The following WDR48 variants were observed in gnomAD, a reference collection of about 807,000 sequenced individuals.
The protein encoded by WDR48 is WD repeat domain 48.
In WDR48, 22 loss-of-function variants were observed where a neutral mutation model predicts 94.0. The ratio of observed to expected loss-of-function variants is 0.23; its 90% CI spans 0.17 to 0.33. The LOEUF is 0.33. Among genes scored for constraint, WDR48 ranks in the 10% least tolerant of loss-of-function variants. WDR48 has a pLI of 1.00. For synonymous variants in WDR48, 278 were observed against 280.5 expected (o/e 0.99, Z 0.09); for missense variants, 541 against 813.8 (o/e 0.66, Z 4.08).
chr3:39,066,963 A>G, intron 5 of WDR48, 88 bp downstream of exon 5: 1 of 1,467,794 alleles, frequency 6.8e-7, no homozygotes, highest in African/African-American at 1.4e-5. Flanking sequence ...ATAGGTTTGC[A>G]TCGAGAGAGT....
rs2125690082 is a variant in WDR48 at position 39,094,807 on chromosome 3, T to A, written c.*64T>A. 1 of 1,585,582 alleles carries A rather than the reference T, an allele frequency of 6.3e-7. No individual in the cohort carries two copies. Among genetic ancestry groups the A allele is most frequent in the South Asian group, 1.1e-5 (1 of 87,308 alleles). Reference sequence around the variant, plus strand: ...TCCTCTATGGCCCCAAGAGTAGTCCTAGGAAGCCCACTGATCCCCAACGGG... The same window carrying A: ...TCCTCTATGGCCCCAAGAGTAGTCCAAGGAAGCCCACTGATCCCCAACGGG... On this transcript the variant is annotated 3_prime_UTR_variant, in exon 19 of 19. Transcript: ENST00000302313.
At chr3:39,078,333 T>C (rs749786361) in intron 10 of WDR48, 94 bp downstream of exon 10, 37 of 857,940 alleles carry the variant, frequency 4.3e-5, no homozygotes, top group Non-Finnish European at 6.7e-5. Flanking sequence ...TCTTTAAATA[T>C]AATCCTGATG....
chr3:39,054,269 A>G (rs2032701930), intron 1 of WDR48, among the ~76,000 whole-genome samples: 1 of 152,232 alleles, frequency 6.6e-6, no homozygotes, highest in South Asian at 2.1e-4. Context: ...GAGTTTATCA[A>G]CCTGAACATT....
intron 1 of WDR48, among the ~76,000 whole-genome samples, chr3:39,062,560 C>G (rs527262582): frequency 1.3e-5 from 2 of 152,084 alleles, no homozygotes; most frequent in East Asian, 1.9e-4. Context: ...CCAGACAGGT[C>G]GGAGGAAGAG....
intron 3 of WDR48, 121 bp downstream of exon 3, chr3:39,066,010 AT>A: frequency 1.6e-6 from 1 of 640,018 alleles, no homozygotes; most frequent in Non-Finnish European, 2.4e-6. Context: ...GTTCAACACA[AT>A]TTTAGAAAGT....
At chr3:39,094,391 C>T in intron 18 of WDR48, 2 of 1,478,688 alleles carry the variant, frequency 1.4e-6, no homozygotes, top group Non-Finnish European at 1.8e-6. Flanking sequence ...TTTTTTAAAT[C>T]AAGATGCACT....
At chr3:39,085,250 C>T (rs933011711) in intron 13 of WDR48, among the ~76,000 whole-genome samples, 4 of 151,962 alleles carry the variant, frequency 2.6e-5, no homozygotes, top group Admixed American at 6.6e-5. Context: ...ATCTGATTCT[C>T]ATGTTTGTTT....
rs2035276551 is a variant in WDR48, at chr3:39,095,070, A to G, written c.*327A>G. The G allele has an allele frequency of 3.1e-6, 1 of 322,250 alleles. No homozygotes were observed. Among genetic ancestry groups the G allele is most frequent in the Non-Finnish European group, 5.7e-6 (1 of 174,280 alleles). The allele number at this position is 322,250 out of a possible 1,614,324, so 20.0% of individuals were successfully genotyped here. The stretch of plus-strand genomic sequence containing the variant: ...TTGTTTCAAAGGACCTTATCTACCC[A>G]TTAACACTTGTTAGAGACACCTCAG... On this transcript the variant is annotated 3_prime_UTR_variant, in exon 19 of 19. Transcript: ENST00000302313.
rs765909287 is a variant in WDR48, at chr3:39,078,191, A to G, written c.1027A>G (p.Thr343Ala). The G allele has an allele frequency of 2.0e-5, 32 of 1,613,446 alleles. No individual in the cohort carries two copies. Among genetic ancestry groups the G allele is most frequent in the Admixed American group, 6.7e-5 (4 of 59,882 alleles). Reference protein sequence around the residue: ...RASGDYDNDCTNPITPLCTQP... With the variant: ...RASGDYDNDCANPITPLCTQP... Reference sequence around the variant, plus strand: ...CTCTGGAGATTATGACAATGACTGTACAAATCCTATAACACCTCTTTGTAC... The same window carrying G: ...CTCTGGAGATTATGACAATGACTGTGCAAATCCTATAACACCTCTTTGTAC... The change falls in exon 10 of 19, where the codon ACA (threonine) becomes GCA (alanine). Residue 343 changes from threonine (T) to alanine (A), a missense_variant. Around this residue, in one of 5 missense-constraint regions of WDR48, gnomAD observed 238 missense variants for 285.3 expected, o/e 0.83. Transcript: ENST00000302313.
intron 1 of WDR48, among the ~76,000 whole-genome samples, chr3:39,055,784 C>G (rs964755519): frequency 6.6e-6 from 1 of 152,296 alleles, no homozygotes; most frequent in Admixed American, 6.5e-5. Flanking sequence ...GATTGGCTCT[C>G]TGTGCCTCCA....
intron 2 of WDR48, among the ~76,000 whole-genome samples, chr3:39,063,733 AGG>A (rs998501911): frequency 2.6e-5 from 4 of 152,028 alleles, no homozygotes; most frequent in African/African-American, 4.8e-5. Context: ...CCTTGAGTCC[AGG>A]AGTTCGAGAC....
chr3:39,087,393 G>A (rs1046525254), intron 14 of WDR48, among the ~76,000 whole-genome samples: 1 of 152,214 alleles, frequency 6.6e-6, no homozygotes, highest in African/African-American at 2.4e-5. Context: ...GCCCTGCCCA[G>A]CAGCCTTGAA....
intron 1 of WDR48, 169 bp downstream of exon 1, chr3:39,052,242 G>A (rs932543835): frequency 8.1e-5 from 61 of 754,732 alleles, no homozygotes; most frequent in Non-Finnish European, 1.2e-4. Flanking sequence ...GCTTGAGGAA[G>A]GGGCGGGGGT....
chr3:39,054,723 C>T (rs929337864), intron 1 of WDR48, among the ~76,000 whole-genome samples: 54 of 152,140 alleles, frequency 3.5e-4, no homozygotes, highest in African/African-American at 1.3e-3. Context: ...GAGACTGGCT[C>T]ATTTATAAAG....
At chr3:39,088,536 G>A (rs539873655) in intron 15 of WDR48, among the ~76,000 whole-genome samples, 46 of 152,250 alleles carry the variant, frequency 3.0e-4, no homozygotes, top group Non-Finnish European at 4.7e-4. Flanking sequence ...TGACTGCAAG[G>A]GCCAAGCAAC....
chr3:39,052,382 T>C lies in WDR48; in HGVS notation c.48+309T>C, dbSNP rs552687204. On this transcript the variant is annotated intron_variant, in intron 1 of 18. Transcript: ENST00000302313. ...CGGGATAGGCTCGTTCCCCGCCCAC[T>C]TGCCTCCCCCTTGCCCTGTCTTTCT... 3.5e-5 allele frequency: 12 copies of C among 340,978 alleles called. No individual in the cohort carries two copies. In the South Asian group the frequency reaches 3.6e-4, roughly 10 times the overall value. 21.1% of individuals were successfully genotyped at this position (340,978 alleles called of 1,614,324 possible). A position where few individuals can be genotyped will look rare whatever the true frequency, so the allele number is the denominator to read the frequency against.
At chr3:39,064,121 T>C (rs1316344801) in intron 2 of WDR48, among the ~76,000 whole-genome samples, 1 of 152,194 alleles carries the variant, frequency 6.6e-6, no homozygotes, top group African/African-American at 2.4e-5. Flanking sequence ...AACACCTATA[T>C]TGTGAATGAC....
intron 8 of WDR48, among the ~76,000 whole-genome samples, chr3:39,076,507 A>G (rs1472744981): frequency 5.3e-5 from 8 of 152,224 alleles, no homozygotes; most frequent in African/African-American, 1.9e-4. Context: ...TCTTGAACTG[A>G]GGAGGATTGC....
In WDR48 at chr3:39,096,590, T is replaced by G. The variant is rs991227799; in HGVS notation, c.*1847T>G. 6.6e-6 allele frequency: 1 copy of G among 152,180 alleles called. No homozygotes were observed. The highest frequency in any genetic ancestry group is 1.9e-4 in the East Asian group (1 of 5,196). The allele number at this position is 152,180 out of a possible 1,614,324, so 9.4% of individuals were successfully genotyped here. A position where few individuals can be genotyped will look rare whatever the true frequency, so the allele number is the denominator to read the frequency against. ...AACCGTAATACAGTTTCCAGAAAAT[T>G]CGACAGTCTGCAATGCCAAAAGGGT... is the stretch of plus-strand genomic sequence containing the variant. On this transcript the variant is annotated 3_prime_UTR_variant, in exon 19 of 19. Coordinates refer to ENST00000302313, the MANE Select transcript of WDR48 (RefSeq NM_020839.4).
Sources: allele counts gnomAD v4.1 joint callset (sites outside exome capture counted in the v4.1 genomes callset), GRCh38; gene constraint gnomAD v4.1.1; regional missense constraint gnomAD v4.1.1; transcripts MANE v1.5; gene names NCBI Gene and HGNC (gene_info 2026-07-23, HGNC 2026-07-21).